The following NRG3 variants were observed in gnomAD, a reference collection of about 807,000 sequenced individuals.
NRG3 encodes pro-neuregulin-3, membrane-bound isoform.
NRG3 carries 31 observed loss-of-function variants against 66.9 expected under a neutral mutation model. The observed-to-expected ratio is 0.46, with a 90% CI of 0.35 to 0.63. The LOEUF (loss-of-function observed/expected upper bound fraction) is 0.63. Ranked by LOEUF, NRG3 falls within the 20% of genes least tolerant of loss-of-function variation. NRG3 has a pLI of 0.00. For synonymous variants in NRG3, 393 were observed against 359.4 expected, an observed-to-expected ratio of 1.09 and a Z score of -1.06; for missense variants, 910 against 878.9, an observed-to-expected ratio of 1.04 and a Z score of -0.45.
At chr10:82,021,488 ATG>A (rs1301032180) in intron 1 of NRG3, among the ~76,000 whole-genome samples, 1 of 152,094 alleles carries the variant, frequency 6.6e-6, no homozygotes, top group Admixed American at 6.6e-5. Context: ...GTTAGACAAA[ATG>A]TTTAACAGGA....
At chr10:82,621,623 G>A (rs190786739) in intron 2 of NRG3, among the ~76,000 whole-genome samples, 6 of 152,302 alleles carry the variant, frequency 3.9e-5, no homozygotes, top group African/African-American at 1.4e-4. Flanking sequence ...GATTTAACTT[G>A]AAATAGTTTA....
intron 4 of NRG3, among the ~76,000 whole-genome samples, chr10:82,929,101 A>C (rs768913228): frequency 6.6e-6 from 1 of 152,174 alleles, no homozygotes; most frequent in Non-Finnish European, 1.5e-5. Flanking sequence ...TTTATCCTAG[A>C]AATGGTGAGA....
At chr10:82,040,363 A>G (rs4244935) in intron 1 of NRG3, among the ~76,000 whole-genome samples, 96,265 of 151,392 alleles carry the variant, frequency 0.64, 32,186 homozygotes, top group South Asian at 0.87. Context: ...ACAGACATAT[A>G]TACATATATA....
chr10:82,392,434 T>C (rs1174716495), intron 2 of NRG3, among the ~76,000 whole-genome samples: 1 of 152,200 alleles, frequency 6.6e-6, no homozygotes, highest in Non-Finnish European at 1.5e-5. Flanking sequence ...CTTTGTGTAC[T>C]AATAAATGCC....
chr10:82,471,369 A>C (rs905296929), intron 2 of NRG3, among the ~76,000 whole-genome samples: 2 of 151,760 alleles, frequency 1.3e-5, no homozygotes, highest in Non-Finnish European at 2.9e-5. Flanking sequence ...ATCTCTTTAA[A>C]CTTGGCTGTC....
chr10:82,786,800 T>A (rs1054536877), intron 3 of NRG3, among the ~76,000 whole-genome samples: 1 of 152,190 alleles, frequency 6.6e-6, no homozygotes, highest in Non-Finnish European at 1.5e-5. Flanking sequence ...AGGGCTCTGC[T>A]TTCACGAGTA....
chr10:81,930,373 A>C (rs866362910), intron 1 of NRG3, among the ~76,000 whole-genome samples: 1 of 152,176 alleles, frequency 6.6e-6, no homozygotes, highest in African/African-American at 2.4e-5. Context: ...GGAAAGCATT[A>C]TACTTACAGT....
chr10:82,293,696 G>A (rs1404366138), intron 1 of NRG3, among the ~76,000 whole-genome samples: 2 of 151,978 alleles, frequency 1.3e-5, no homozygotes, highest in Non-Finnish European at 2.9e-5. Flanking sequence ...TTTAATTAAT[G>A]TATCTTGTTA....
intron 1 of NRG3, among the ~76,000 whole-genome samples, chr10:82,335,598 C>T (rs2082348107): frequency 6.6e-6 from 1 of 152,054 alleles, no homozygotes; most frequent in South Asian, 2.1e-4. Flanking sequence ...GAGCCATGAT[C>T]ATCATGCCAC....
intron 1 of NRG3, among the ~76,000 whole-genome samples, chr10:82,129,323 G>T (rs2068662875): frequency 6.6e-6 from 1 of 152,116 alleles, no homozygotes; most frequent in Admixed American, 6.6e-5. Context: ...TGATATATCT[G>T]ATTTTTATTA....
rs982617749 is a variant in NRG3, at chr10:81,989,006, A to G, written c.823+112843A>G. Among the ~76,000 whole-genome samples the G allele has an allele frequency of 2.5e-4, 38 of 152,092 alleles. 1 individual carries two copies. The highest frequency in any genetic ancestry group is 5.3e-4 in the Non-Finnish European group (36 of 68,000). ...AACGCAAGTGAGGCATTATAGTGGA[A>G]TGGACTAGGGTGGTTAGAGCAGAAA... On this transcript the variant is annotated intron_variant, in intron 1 of 8. Coordinates refer to ENST00000372141, the MANE Select transcript of NRG3 (RefSeq NM_001010848.4).
At chr10:82,811,872 TC>T (rs1030676989) in intron 3 of NRG3, among the ~76,000 whole-genome samples, 33 of 152,256 alleles carry the variant, frequency 2.2e-4, no homozygotes, top group African/African-American at 7.7e-4. Flanking sequence ...AATCCATACT[TC>T]AGGGAAGAAA....
At chr10:82,294,865 T>C (rs1313039409) in intron 1 of NRG3, among the ~76,000 whole-genome samples, 1 of 152,202 alleles carries the variant, frequency 6.6e-6, no homozygotes, top group Non-Finnish European at 1.5e-5. Context: ...AGCCTTGTGG[T>C]TCCATTTGTT....
At chr10:82,965,499 G>A (rs1351804959) in intron 6 of NRG3, among the ~76,000 whole-genome samples, 1 of 152,124 alleles carries the variant, frequency 6.6e-6, no homozygotes, top group Non-Finnish European at 1.5e-5. Flanking sequence ...ACTTTGGAAG[G>A]CAAAGGCAGA....
intron 2 of NRG3, among the ~76,000 whole-genome samples, chr10:82,607,549 T>C (rs891995252): frequency 1.3e-5 from 2 of 152,168 alleles, no homozygotes; most frequent in Non-Finnish European, 1.5e-5. Flanking sequence ...AGTATTTTAA[T>C]TGATGTATCA....
chr10:82,113,083 G>T (rs569090357), intron 1 of NRG3, among the ~76,000 whole-genome samples: 3 of 152,278 alleles, frequency 2.0e-5, no homozygotes, highest in Non-Finnish European at 4.4e-5. Context: ...AAGACAGTTG[G>T]AGGAACTTGG....
chr10:82,769,065 G>A (rs1246716796), intron 3 of NRG3, among the ~76,000 whole-genome samples: 1 of 152,092 alleles, frequency 6.6e-6, no homozygotes, highest in Admixed American at 6.6e-5. Context: ...GACGACTACA[G>A]ATGAAAGGCT....
At chr10:82,361,826 A>T (rs2084158218) in intron 2 of NRG3, among the ~76,000 whole-genome samples, 1 of 152,096 alleles carries the variant, frequency 6.6e-6, no homozygotes, top group African/African-American at 2.4e-5. Context: ...AGCAATATAA[A>T]GGCTTATGCA....
At chr10:82,622,665 A>G (rs943990837) in intron 2 of NRG3, among the ~76,000 whole-genome samples, 41 of 152,334 alleles carry the variant, frequency 2.7e-4, no homozygotes, top group African/African-American at 9.1e-4. Context: ...GGCCTGAAGC[A>G]GTGAGCCACA....
Sources: gnomAD v4.1 joint callset for allele counts (sites outside exome capture counted in the v4.1 genomes callset) on GRCh38, gnomAD v4.1.1 for gene constraint, MANE v1.5 for transcripts, NCBI Gene and HGNC (gene_info 2026-07-23, HGNC 2026-07-21) for gene names.